Variants in KIF26B observed in about 807,000 individuals in gnomAD.
KIF26B encodes the protein kinesin-like protein KIF26B.
KIF26B carries 63 observed loss-of-function variants against 151.2 expected under a neutral mutation model. The ratio of observed to expected loss-of-function variants is 0.42; its 90% CI spans 0.34 to 0.51. KIF26B has a LOEUF of 0.51. Among genes scored for constraint, KIF26B ranks in the 20% least tolerant of loss-of-function variants. The pLI, the probability that KIF26B is intolerant of heterozygous loss-of-function variation, is 0.07. For synonymous variants in KIF26B, 1,357 were observed against 1,262.1 expected, an observed-to-expected ratio of 1.08 and a Z score of -1.59; for missense variants, 2,813 against 2,913.6, an observed-to-expected ratio of 0.97 and a Z score of 0.79.
chr1:245,362,367 A>C (rs1455539560), intron 2 of KIF26B, among the ~76,000 whole-genome samples: 1 of 147,264 alleles, frequency 6.8e-6, no homozygotes, highest in Non-Finnish European at 1.5e-5. Flanking sequence ...TCTCTACTAA[A>C]AAAAAAAAAA....
chr1:245,506,010 T>C (rs1660722776), intron 4 of KIF26B, among the ~76,000 whole-genome samples: 1 of 152,236 alleles, frequency 6.6e-6, no homozygotes, highest in Admixed American at 6.5e-5. Flanking sequence ...TACAACAATT[T>C]AGTAACCATT....
At chr1:245,355,005 A>G (rs1672657864) in intron 2 of KIF26B, among the ~76,000 whole-genome samples, 1 of 152,062 alleles carries the variant, frequency 6.6e-6, no homozygotes, top group African/African-American at 2.4e-5. Flanking sequence ...GCTGCAACCT[A>G]TGCCTTTCAG....
At chr1:245,266,907 G>A (rs537004229) in intron 2 of KIF26B, among the ~76,000 whole-genome samples, 6 of 152,278 alleles carry the variant, frequency 3.9e-5, no homozygotes, top group African/African-American at 1.2e-4. Flanking sequence ...AAAATTCATG[G>A]CATATAGTAA....
intron 6 of KIF26B, among the ~76,000 whole-genome samples, chr1:245,603,211 C>G (rs1355341754): frequency 6.6e-5 from 10 of 152,028 alleles, no homozygotes; most frequent in Non-Finnish European, 1.5e-4. Context: ...TATAAGCACA[C>G]TGGGGTTGAG....
chr1:245,412,333 AGGAGGG>A (rs1674307116), intron 3 of KIF26B, among the ~76,000 whole-genome samples: 7 of 152,174 alleles, frequency 4.6e-5, no homozygotes, highest in Admixed American at 4.6e-4. Context: ...CTGGGATTTG[AGGAGGG>A]GGAGCCTGTC....
Position 245,687,472 on chromosome 1 carries a change from G to C in KIF26B, c.4489G>C (p.Val1497Leu), listed in dbSNP as rs2044545900. 6.3e-7 allele frequency: 1 copy of C among 1,585,958 alleles called. No individual in the cohort carries two copies. The highest frequency in any genetic ancestry group is 8.6e-7 in the Non-Finnish European group (1 of 1,166,594). The change falls in exon 12 of 15, where the codon GTG becomes CTG. Residue 1497 changes from valine (V) to leucine (L), a missense_variant. Physicochemically the swap from Val to Leu is conservative, Grantham distance 32. Coordinates refer to ENST00000407071, the MANE Select transcript of KIF26B (RefSeq NM_018012.4). This position sits in a 1 kb window ranked among gnomAD's most constrained non-coding sequence, Gnocchi z 4.9. ...CAGGCTCAGCAGCAGCAGCGGAGAG[G>C]TGTCGGCCTCCCCGGTCACTGACAA... ...GDRLSSSSGE[V>L]SASPVTDNFR...
chr1:245,496,765 T>TA (rs1269781354), intron 4 of KIF26B, among the ~76,000 whole-genome samples: 2 of 152,116 alleles, frequency 1.3e-5, no homozygotes, highest in Non-Finnish European at 2.9e-5. Flanking sequence ...GACTGTATTT[T>TA]AAAGACAACA....
At chr1:245,418,866 C>T (rs891889904) in intron 3 of KIF26B, among the ~76,000 whole-genome samples, 5 of 152,070 alleles carry the variant, frequency 3.3e-5, no homozygotes, top group African/African-American at 7.2e-5. Flanking sequence ...CAGCTTATTA[C>T]GTAGATTTAG....
chr1:245,606,956 C>G lies in KIF26B; in HGVS notation c.1558-695C>G, dbSNP rs1338576325. On this transcript the variant is annotated intron_variant, in intron 6 of 14. Coordinates refer to ENST00000407071, the MANE Select transcript of KIF26B (RefSeq NM_018012.4). This position sits in a 1 kb window ranked among gnomAD's most constrained non-coding sequence, Gnocchi z 4.6. ...TGGCACATGCCTGTAATCCCAGCTA[C>G]TCGGGAGGCTGAGGCAAGAGAATCA... Among the ~76,000 whole-genome samples, 1 of 151,104 alleles carries G rather than the reference C, an allele frequency of 6.6e-6. No individual in the cohort carries two copies. Among genetic ancestry groups the G allele is most frequent in the Non-Finnish European group, 1.5e-5 (1 of 67,914 alleles).
At chr1:245,387,433 G>A (rs1334002683) in intron 3 of KIF26B, among the ~76,000 whole-genome samples, 1 of 152,080 alleles carries the variant, frequency 6.6e-6, no homozygotes, top group Non-Finnish European at 1.5e-5. Context: ...CAAAGTCCTG[G>A]GATTACAGGC....
chr1:245,458,575 T>TA (rs1447868955), intron 4 of KIF26B, among the ~76,000 whole-genome samples: 2 of 152,238 alleles, frequency 1.3e-5, no homozygotes, highest in Non-Finnish European at 2.9e-5. Context: ...CATGTGCTTT[T>TA]AATTTCTTTT....
At chr1:245,314,956 G>C (rs1486398502) in intron 2 of KIF26B, among the ~76,000 whole-genome samples, 6 of 152,122 alleles carry the variant, frequency 3.9e-5, no homozygotes, top group Admixed American at 3.9e-4. Context: ...CGAGGCGGGT[G>C]GATCACCTGA....
At chr1:245,556,241 CCTCCTTCT>C (rs1485998210) in intron 5 of KIF26B, among the ~76,000 whole-genome samples, 1 of 150,060 alleles carries the variant, frequency 6.7e-6, no homozygotes, top group African/African-American at 2.4e-5. Flanking sequence ...TCTTCTTCTT[CCTCCTTCT>C]TCCTCCTTCC....
chr1:245,518,507 A>C (rs1484908477), intron 4 of KIF26B, among the ~76,000 whole-genome samples: 1 of 152,242 alleles, frequency 6.6e-6, no homozygotes. Flanking sequence ...TTTCACTTGA[A>C]AAGTCCTAAG....
chr1:245,351,156 C>T (rs546082910), intron 2 of KIF26B, among the ~76,000 whole-genome samples: 1 of 152,336 alleles, frequency 6.6e-6, no homozygotes, highest in South Asian at 2.1e-4. Flanking sequence ...GTTTCCCTGT[C>T]CGCATGGAGG....
In KIF26B at chr1:245,352,557, C is replaced by A. The variant is rs971916223; in HGVS notation, c.466-14277C>A. On this transcript the variant is annotated intron_variant, in intron 2 of 14. Coordinates refer to ENST00000407071, the MANE Select transcript of KIF26B (RefSeq NM_018012.4). This position sits in a 1 kb window ranked among gnomAD's most constrained non-coding sequence, Gnocchi z 5.0. ...GAGATTATAGGCGTGAACCACTGTG[C>A]CTGGCCCACCTACTTCCAGTTTAAA... Among the ~76,000 whole-genome samples, 1 of 152,226 alleles carries A rather than the reference C, an allele frequency of 6.6e-6. No individual in the cohort carries two copies. Among genetic ancestry groups the A allele is most frequent in the African/African-American group, 2.4e-5 (1 of 41,466 alleles).
intron 3 of KIF26B, among the ~76,000 whole-genome samples, chr1:245,390,210 GTTTAT>G (rs1241508632): frequency 1.3e-5 from 2 of 148,504 alleles, no homozygotes; most frequent in South Asian, 2.2e-4. Flanking sequence ...TGTTACTTGA[GTTTAT>G]TTTATTTTAT....
intron 3 of KIF26B, among the ~76,000 whole-genome samples, chr1:245,386,467 T>C (rs1421807659): frequency 6.6e-6 from 1 of 152,146 alleles, no homozygotes; most frequent in Non-Finnish European, 1.5e-5. Context: ...GGGAGCGTGC[T>C]ACTTCTGGGG....
intron 9 of KIF26B, among the ~76,000 whole-genome samples, chr1:245,621,940 T>C (rs1447293936): frequency 6.6e-6 from 1 of 152,254 alleles, no homozygotes; most frequent in Non-Finnish European, 1.5e-5. Context: ...CAGTCTAAAC[T>C]GTGCCTTTTG....
Sources: allele counts gnomAD v4.1 joint callset (sites outside exome capture counted in the v4.1 genomes callset), GRCh38; gene constraint gnomAD v4.1.1; non-coding constraint Gnocchi (gnomAD v3.1); transcripts MANE v1.5; gene names NCBI Gene and HGNC (gene_info 2026-07-23, HGNC 2026-07-21).